NRXN1: variants seen among roughly 807,000 people sequenced by gnomAD.
The protein encoded by NRXN1 is neurexin 1.
NRXN1 carries 39 observed loss-of-function variants against 150.9 expected under a neutral mutation model. That is an observed-to-expected ratio of 0.26 (90% CI 0.20 to 0.34). The LOEUF is 0.34. NRXN1 is among the 10% of genes least tolerant of loss of function. The probability of loss-of-function intolerance (pLI) is 1.00; values close to 1 mark genes in which losing one functional copy is unlikely to be tolerated. For synonymous variants in NRXN1, 924 were observed against 757.0 expected (o/e 1.22, Z -3.62); for missense variants, 1,815 against 1,949.9 (o/e 0.93, Z 1.30).
At position 49,960,069 on chromosome 2, in the gene NRXN1, CT is replaced by C. The variant is rs200180332; in HGVS notation, c.4129-16279del. Among the ~76,000 whole-genome samples the C allele has an allele frequency of 1.4e-3, 220 of 152,252 alleles. 6 individuals carry two copies. In the East Asian group the frequency reaches 0.029, roughly 20 times the overall value. ...AAGCATTTTTGAATTGGAAAGCCTT[CT>C]TTTTTTGTTTCATAATAAGCTAACT... On this transcript the variant is annotated intron_variant, in intron 21 of 22. Coordinates refer to ENST00000401669, the MANE Select transcript of NRXN1 (RefSeq NM_001330078.2).
rs189056672 is a variant in NRXN1, at chr2:50,950,953, C to T, written c.773-24998G>A. ...AATTATGTCATGGCTGTTTGGAAAGCTAATATAACAAGACATTTCTTTCAT... is the reference window on the plus strand; with the variant it reads ...AATTATGTCATGGCTGTTTGGAAAGTTAATATAACAAGACATTTCTTTCAT... On this transcript the variant is annotated intron_variant, in intron 2 of 22. Coordinates refer to ENST00000401669, the MANE Select transcript of NRXN1 (RefSeq NM_001330078.2). Among the ~76,000 whole-genome samples, 180 of 152,246 alleles carry T rather than the reference C, an allele frequency of 1.2e-3. 3 individuals are homozygous for T. The highest frequency in any genetic ancestry group is 4.1e-3 in the African/African-American group (170 of 41,550).
intron 2 of NRXN1, among the ~76,000 whole-genome samples, chr2:50,927,774 C>T (rs1050161420): frequency 6.6e-6 from 1 of 151,778 alleles, no homozygotes; most frequent in Admixed American, 6.6e-5. Flanking sequence ...GACAGTATGT[C>T]AATTGCTACA....
intron 5 of NRXN1, among the ~76,000 whole-genome samples, chr2:50,775,637 G>A (rs921875741): frequency 3.9e-5 from 6 of 152,032 alleles, no homozygotes; most frequent in African/African-American, 7.2e-5. Context: ...TAGAGGACAC[G>A]CTCAGTGTTC....
At chr2:50,463,043 A>AG (rs146961405) in intron 17 of NRXN1, among the ~76,000 whole-genome samples, 1,816 of 151,908 alleles carry the variant, frequency 0.012, 38 homozygotes, top group African/African-American at 0.041. Flanking sequence ...AAAATAAACT[A>AG]GAGATGAAAA....
rs1693065962 is a variant in NRXN1 at position 50,053,430 on chromosome 2, A to G, written c.3969T>C (p.Asn1323=). The part of the protein sequence containing the change: ...ENDANIAIVG[N]VRLVGEVPSS... ...AAGGCACTTCACCAACCAGTCTCACATTTCCCACTATGGCGATGTTGGCAT... is the reference window on the plus strand; with the variant it reads ...AAGGCACTTCACCAACCAGTCTCACGTTTCCCACTATGGCGATGTTGGCAT... Residue 1323 remains asparagine, a synonymous_variant, in exon 21 of 23, where the codon AAT becomes AAC. Transcript: ENST00000401669. 7 of 1,613,972 alleles carry G rather than the reference A, an allele frequency of 4.3e-6. No homozygotes were observed. Among genetic ancestry groups the G allele is most frequent in the East Asian group, 2.2e-5 (1 of 44,868 alleles).
intron 18 of NRXN1, among the ~76,000 whole-genome samples, chr2:50,155,796 T>C (rs1238996610): frequency 5.9e-5 from 9 of 151,526 alleles, no homozygotes; most frequent in Admixed American, 2.0e-4. Flanking sequence ...ATAAACTATA[T>C]GCAACTAATA....
chr2:50,727,612 A>T (rs912364062), intron 5 of NRXN1, among the ~76,000 whole-genome samples: 2 of 152,148 alleles, frequency 1.3e-5, no homozygotes, highest in Admixed American at 1.3e-4. Flanking sequence ...CTAGATAGTG[A>T]TTTTCAAGTA....
chr2:49,987,167 T>G (rs770004566), intron 21 of NRXN1, among the ~76,000 whole-genome samples: 2 of 152,192 alleles, frequency 1.3e-5, no homozygotes, highest in Non-Finnish European at 2.9e-5. Context: ...AACTTCTCCC[T>G]ATTCTTACTT....
At chr2:50,652,323 T>C (rs1185398145) in intron 5 of NRXN1, among the ~76,000 whole-genome samples, 7 of 152,080 alleles carry the variant, frequency 4.6e-5, no homozygotes, top group African/African-American at 1.2e-4. Context: ...GCAACCATCA[T>C]TGCAATCTAA....
At chr2:50,523,652 G>C (rs2092858937) in intron 12 of NRXN1, among the ~76,000 whole-genome samples, 1 of 152,072 alleles carries the variant, frequency 6.6e-6, no homozygotes, top group East Asian at 1.9e-4. Context: ...TTTTCATTCT[G>C]GTAATAAAAT....
At chr2:50,774,367 T>A (rs973649700) in intron 5 of NRXN1, among the ~76,000 whole-genome samples, 3 of 152,154 alleles carry the variant, frequency 2.0e-5, no homozygotes, top group Admixed American at 2.0e-4. Flanking sequence ...TTTGAGGGCA[T>A]TTAGTACATT....
At chr2:50,281,033 G>A (rs2071368692) in intron 17 of NRXN1, among the ~76,000 whole-genome samples, 1 of 151,702 alleles carries the variant, frequency 6.6e-6, no homozygotes, top group African/African-American at 2.4e-5. Flanking sequence ...GGCCGGGCGC[G>A]GTGGCTCATG....
intron 2 of NRXN1, among the ~76,000 whole-genome samples, chr2:50,982,801 C>A (rs1697044083): frequency 6.6e-6 from 1 of 151,932 alleles, no homozygotes; most frequent in Non-Finnish European, 1.5e-5. Context: ...TAATTTTAAC[C>A]ATACACTTAA....
At chr2:50,720,325 C>T (rs1299861862) in intron 5 of NRXN1, among the ~76,000 whole-genome samples, 1 of 152,166 alleles carries the variant, frequency 6.6e-6, no homozygotes, top group African/African-American at 2.4e-5. Context: ...TTCAGGGTAC[C>T]TCCCTCCCTC....
intron 18 of NRXN1, among the ~76,000 whole-genome samples, chr2:50,189,887 A>G (rs945431798): frequency 2.6e-5 from 4 of 152,208 alleles, no homozygotes; most frequent in African/African-American, 9.6e-5. Context: ...CATGCTATAC[A>G]GTTTGCACAT....
chr2:50,516,702 C>T (rs1191482134), intron 12 of NRXN1, among the ~76,000 whole-genome samples: 2 of 152,098 alleles, frequency 1.3e-5, no homozygotes, highest in Admixed American at 1.3e-4. Flanking sequence ...CTCAATTTAG[C>T]CAAGGATATA....
intron 18 of NRXN1, chr2:50,175,230 C>A (rs1428930359): frequency 6.6e-6 from 1 of 152,166 alleles, no homozygotes; most frequent in East Asian, 1.9e-4. Flanking sequence ...AATAAGACAA[C>A]ACGGTCACAC....
At chr2:50,997,600 T>G (rs536271487) in intron 2 of NRXN1, among the ~76,000 whole-genome samples, 2 of 141,012 alleles carry the variant, frequency 1.4e-5, no homozygotes, top group South Asian at 4.5e-4. Context: ...CTGAAATTCC[T>G]GGGCTCAAGC....
intron 21 of NRXN1, among the ~76,000 whole-genome samples, chr2:50,040,516 G>A (rs1172670527): frequency 6.6e-6 from 1 of 151,894 alleles, no homozygotes; most frequent in Non-Finnish European, 1.5e-5. Context: ...TGGAACATAA[G>A]CATATTATTT....
Sources: gnomAD v4.1 joint callset for allele counts (sites outside exome capture counted in the v4.1 genomes callset) on GRCh38, gnomAD v4.1.1 for gene constraint, MANE v1.5 for transcripts, NCBI Gene and HGNC (gene_info 2026-07-23, HGNC 2026-07-21) for gene names.